ECE2: variants seen among roughly 807,000 people sequenced by gnomAD.
ECE2 encodes endothelin-converting enzyme 2.
In ECE2, 81 loss-of-function variants were observed where a neutral mutation model predicts 100.6. The observed-to-expected ratio is 0.81, with a 90% CI of 0.67 to 0.97. The LOEUF (loss-of-function observed/expected upper bound fraction) is 0.97, where lower values mean the gene tolerates loss of function less well. ECE2 is among the 50% of genes least tolerant of loss of function. ECE2 has a pLI of 0.00. For missense variants in ECE2, 911 were observed against 988.1 expected (o/e 0.92, Z 1.05); for synonymous variants, 391 against 391.5 (o/e 1.00, Z 0.02).
chr3:184,277,972 C>T lies in ECE2; in HGVS notation c.526C>T (p.Arg176Cys), dbSNP rs771043563. Residue 176 changes from arginine (R) to cysteine (C), a missense_variant, in exon 5 of 19, where the codon CGC (arginine) becomes TGC (cysteine). Transcript: ENST00000404464. The part of the protein sequence containing the change: ...SSSEAEQKTQ[R>C]FYLSCLQVER... ...CAGTGAAGCTGAGCAGAAGACACAG[C>T]GCTTCTACCTATCTTGCCTACAGGT... 16 of 1,613,394 alleles carry T rather than the reference C, an allele frequency of 9.9e-6. No individual in the cohort carries two copies. The South Asian group carries it at 1.4e-4, about 14-fold the overall frequency.
At chr3:184,290,234 T>G (rs748197457) in intron 13 of ECE2, 21 bp from the exon 14 acceptor site, 77 of 1,595,602 alleles carry the variant, frequency 4.8e-5, no homozygotes, top group Non-Finnish European at 6.2e-5. Context: ...GCTCTCTTTC[T>G]ACTTCCCACC....
chr3:184,289,444 G>A lies in ECE2; in HGVS notation c.1382G>A (p.Gly461Glu). Residue 461 changes from glycine (G) to glutamate (E), a missense_variant, in exon 12 of 19, where the codon GGG becomes GAG. Coordinates refer to ENST00000404464, the MANE Select transcript of ECE2 (RefSeq NM_001100121.2). The surrounding 1 kb of genome is among the most constrained non-coding windows in gnomAD (Gnocchi z 4.1). ...TTACCTCCTCCCTCCCAGGCAGAGG[G>A]GATGATCAGCGAAATCCGGACCGCA... The part of the protein sequence containing the change: ...FDRQSKEIAE[G>E]MISEIRTAFE... The A allele has an allele frequency of 1.2e-6, 2 of 1,606,094 alleles. No homozygotes were observed. Among genetic ancestry groups the A allele is most frequent in the Non-Finnish European group, 1.7e-6 (2 of 1,176,586 alleles).
chr3:184,285,186 CAG>C, intron 9 of ECE2, 81 bp downstream of exon 9: 1 of 1,534,302 alleles, frequency 6.5e-7, no homozygotes, highest in Non-Finnish European at 8.8e-7. Context: ...CCCAGCCACA[CAG>C]AACAACATTT....
At position 184,290,281 on chromosome 3, in the gene ECE2, C is replaced by T. The variant is rs775018135; in HGVS notation, c.1578C>T (p.Phe526=). The T allele has an allele frequency of 2.7e-5, 43 of 1,613,952 alleles. 3 individuals are homozygous for T. In the South Asian group the frequency reaches 4.6e-4, roughly 17 times the overall value. The change falls in exon 14 of 19, where the codon TTC becomes TTT. Residue 526 remains phenylalanine (F), a synonymous_variant. Transcript: ENST00000404464. ...DGYEISEDSF[F]QNMLNLYNFS... is the part of the protein sequence containing the mutation. ...ACGAAATTTCTGAAGATTCTTTCTT[C>T]CAAAACATGTTGAATTTGTACAACT...
intron 10 of ECE2, among the ~76,000 whole-genome samples, chr3:184,286,877 G>T (rs1379021001): frequency 1.3e-5 from 2 of 151,716 alleles, no homozygotes; most frequent in Non-Finnish European, 2.9e-5. Flanking sequence ...AGGCTGAGGT[G>T]GGTGGAGTGC....
rs764835911 is a variant in ECE2, at chr3:184,291,886, C to T, written c.2122-176C>T. On this transcript the variant is annotated intron_variant, in intron 18 of 18. Coordinates refer to ENST00000404464, the MANE Select transcript of ECE2 (RefSeq NM_001100121.2). The surrounding 1 kb of genome is among the most constrained non-coding windows in gnomAD (Gnocchi z 4.1). The stretch of plus-strand genomic sequence containing the variant: ...CCACAGCAGGCAGCTTCTGGGGCTC[C>T]GCTTTTTCCCCTCGTCATGTCCATG... 8.5e-5 allele frequency: 58 copies of T among 683,142 alleles called. 1 individual carries two copies. Among genetic ancestry groups the T allele is most frequent in the Middle Eastern group, 8.5e-4 (2 of 2,364 alleles). The allele number at this position is 683,142 out of a possible 1,614,324, so 42.3% of individuals were successfully genotyped here.
At chr3:184,285,613 T>G in intron 10 of ECE2, 21 bp downstream of exon 10, 1 of 1,558,612 alleles carries the variant, frequency 6.4e-7, no homozygotes, top group Non-Finnish European at 8.9e-7. Flanking sequence ...TGATTTTGCC[T>G]CCACGTTCTG....
chr3:184,292,484 G>A lies in ECE2; in HGVS notation c.*246G>A, dbSNP rs1721376654. ...ACATCTTTCCGTGTCACCCTGCCTGGAAGAGGTCTGGGTGGGGAGGCCAGT... is the reference window on the plus strand; with the variant it reads ...ACATCTTTCCGTGTCACCCTGCCTGAAAGAGGTCTGGGTGGGGAGGCCAGT... On this transcript the variant is annotated 3_prime_UTR_variant, in exon 19 of 19. Coordinates refer to ENST00000404464, the MANE Select transcript of ECE2 (RefSeq NM_001100121.2). The A allele has an allele frequency of 1.8e-6, 1 of 552,550 alleles. No individual in the cohort carries two copies. The highest frequency in any genetic ancestry group is 1.9e-5 in the African/African-American group (1 of 53,092). 34.2% of individuals were successfully genotyped at this position (552,550 alleles called of 1,614,324 possible).
chr3:184,286,826 G>C, intron 10 of ECE2, among the ~76,000 whole-genome samples: 1 of 147,528 alleles, frequency 6.8e-6, no homozygotes, highest in Admixed American at 6.8e-5. Context: ...GGCAATTGCA[G>C]ACTGAGTGTG....
Position 184,289,943 on chromosome 3 carries a change from T to G in ECE2, c.1551+225T>G, listed in dbSNP as rs1002632081. ...AGCCAAGATTTGGAGTCAAGCCTAA[T>G]CAAATTCTGTTTCTACCTCTAACTT... is the stretch of plus-strand genomic sequence containing the variant. On this transcript the variant is annotated intron_variant, in intron 13 of 18. Coordinates refer to ENST00000404464, the MANE Select transcript of ECE2 (RefSeq NM_001100121.2). The surrounding 1 kb of genome is among the most constrained non-coding windows in gnomAD (Gnocchi z 4.1). Among the ~76,000 whole-genome samples, 1 of 152,184 alleles carries G rather than the reference T, an allele frequency of 6.6e-6. No homozygotes were observed. The highest frequency in any genetic ancestry group is 1.5e-5 in the Non-Finnish European group (1 of 68,030).
Position 184,285,574 on chromosome 3 carries a change from C to G in ECE2, c.1245C>G (p.Thr415=). ...CTGCACAAGAGAAGCTGCTGGAGAC[C>G]CTCTATGGCACTAAGAAGGTGGGCT... is the stretch of plus-strand genomic sequence containing the variant. ...FESAQEKLLE[T]LYGTKKSCVP... The change falls in exon 10 of 19, where the codon ACC becomes ACG. Residue 415 remains threonine, a synonymous_variant. Coordinates refer to ENST00000404464, the MANE Select transcript of ECE2 (RefSeq NM_001100121.2). The G allele has an allele frequency of 1.2e-6, 2 of 1,613,834 alleles. No homozygotes were observed. The highest frequency in any genetic ancestry group is 1.7e-6 in the Non-Finnish European group (2 of 1,179,758).
chr3:184,283,771 C>A lies in ECE2; in HGVS notation c.817-14C>A. 6.2e-7 allele frequency: 1 copy of A among 1,611,952 alleles called. No homozygotes were observed. Among genetic ancestry groups the A allele is most frequent in the Non-Finnish European group, 8.5e-7 (1 of 1,178,972 alleles). On this transcript the variant is annotated splice_polypyrimidine_tract_variant and intron_variant, in intron 7 of 18. Coordinates refer to ENST00000404464, the MANE Select transcript of ECE2 (RefSeq NM_001100121.2). ...CTTGTTGCTGGGCTCTGAGGATCAC[C>A]CGGGCCTTGACAGGTGCTCACTGCC...
At chr3:184,290,390 G>A (rs1256243484) in intron 14 of ECE2, 32 bp downstream of exon 14, 1 of 1,605,800 alleles carries the variant, frequency 6.2e-7, no homozygotes, top group African/African-American at 1.3e-5. Context: ...TAGACACTAG[G>A]GGTGGCAGGA....
At chr3:184,288,010 CAT>C in intron 11 of ECE2, 63 bp downstream of exon 11, 1 of 1,507,492 alleles carries the variant, frequency 6.6e-7, no homozygotes, top group South Asian at 1.1e-5. Context: ...TATGTGCAGA[CAT>C]ATAGAAAAAC....
At chr3:184,290,917 G>C (rs1371862438) in intron 16 of ECE2, 57 bp downstream of exon 16, 3 of 1,611,340 alleles carry the variant, frequency 1.9e-6, no homozygotes, top group South Asian at 1.1e-5. Context: ...CTCCTGCAAG[G>C]CCTTGGGACA....
chr3:184,283,213 C>T (rs145912583), intron 7 of ECE2, among the ~76,000 whole-genome samples: 147 of 152,250 alleles, frequency 9.7e-4, no homozygotes, highest in African/African-American at 3.3e-3. Context: ...TGGAACAATG[C>T]TCTGCTGGAA....
chr3:184,277,793 A>G, intron 4 of ECE2, 132 bp from the exon 5 acceptor site: 2 of 1,412,904 alleles, frequency 1.4e-6, no homozygotes. Context: ...TTGCTGTTTC[A>G]GACACTCTTC....
chr3:184,289,228 G>C lies in ECE2; in HGVS notation c.1375-209G>C, dbSNP rs953942914. Among the ~76,000 whole-genome samples the C allele has an allele frequency of 6.6e-5, 10 of 151,740 alleles. No homozygotes were observed. The highest frequency in any genetic ancestry group is 2.4e-4 in the African/African-American group (10 of 41,316). On this transcript the variant is annotated intron_variant, in intron 11 of 18. Coordinates refer to ENST00000404464, the MANE Select transcript of ECE2 (RefSeq NM_001100121.2). This position sits in a 1 kb window ranked among gnomAD's most constrained non-coding sequence, Gnocchi z 4.1. Reference sequence around the variant, plus strand: ...ATGAACTTATTGTCAATTAAAATGTGTACTTAATTAAGAAAAAAGCCAGCC... The same window carrying C: ...ATGAACTTATTGTCAATTAAAATGTCTACTTAATTAAGAAAAAAGCCAGCC...
At chr3:184,277,177 C>T (rs1008385702) in intron 3 of ECE2, 74 bp from the exon 4 acceptor site, 3 of 1,603,868 alleles carry the variant, frequency 1.9e-6, no homozygotes, top group Admixed American at 1.7e-5. Flanking sequence ...GCTGTCATGG[C>T]CCTTGCAGAG....
Sources: allele counts gnomAD v4.1 joint callset (sites outside exome capture counted in the v4.1 genomes callset), GRCh38; gene constraint gnomAD v4.1.1; non-coding constraint Gnocchi (gnomAD v3.1); transcripts MANE v1.5; gene names NCBI Gene and HGNC (gene_info 2026-07-23, HGNC 2026-07-21).